Variants in NCAM1 observed in about 807,000 individuals in gnomAD.
NCAM1 encodes the protein neural cell adhesion molecule 1, also known as antigen recognized by monoclonal antibody 5.1H11.
NCAM1 carries 14 observed loss-of-function variants against 109.8 expected under a neutral mutation model. That is an observed-to-expected ratio of 0.13 (90% confidence interval 0.08 to 0.20). The LOEUF (loss-of-function observed/expected upper bound fraction) is 0.20. Among genes scored for constraint, NCAM1 ranks in the 10% least tolerant of loss-of-function variants. NCAM1 has a pLI of 1.00. For missense variants in NCAM1, 774 were observed against 1,109.9 expected, an observed-to-expected ratio of 0.70 and a Z score of 4.30; for synonymous variants, 418 against 442.9, an observed-to-expected ratio of 0.94 and a Z score of 0.70.
At position 113,133,998 on chromosome 11, in the gene NCAM1, A is replaced by C. The variant is rs569032626; in HGVS notation, c.53-68381A>C. The C allele has an allele frequency of 1.1e-4, 17 of 152,164 alleles. No homozygotes were observed. The East Asian group carries it at 2.5e-3, about 22-fold the overall frequency. 9.4% of individuals were successfully genotyped at this position (152,164 alleles called of 1,614,324 possible). On this transcript the variant is annotated intron_variant, in intron 1 of 19. Transcript: ENST00000316851. The stretch of plus-strand genomic sequence containing the variant: ...GCCTATTTTCGGTGGCAAAAAAAAA[A>C]CATATAAAATTGACCATGTTAATCA...
intron 1 of NCAM1, among the ~76,000 whole-genome samples, chr11:113,079,206 T>C (rs1938675017): frequency 6.6e-6 from 1 of 152,240 alleles, no homozygotes. Flanking sequence ...AGTGTTGATG[T>C]GTTAAGCATG....
intron 14 of NCAM1, chr11:113,240,763 C>G: frequency 6.2e-7 from 1 of 1,611,426 alleles, no homozygotes; most frequent in Non-Finnish European, 8.5e-7. Context: ...CTTTTTTCCC[C>G]ACCTTCATTT....
chr11:113,085,042 T>C (rs183684457), intron 1 of NCAM1, among the ~76,000 whole-genome samples: 27 of 152,358 alleles, frequency 1.8e-4, no homozygotes, highest in South Asian at 6.2e-4. Flanking sequence ...GCTATATGAA[T>C]GTAACTGTAT....
intron 1 of NCAM1, among the ~76,000 whole-genome samples, chr11:113,117,924 A>G (rs1269387305): frequency 5.9e-5 from 9 of 152,044 alleles, no homozygotes; most frequent in African/African-American, 1.9e-4. Flanking sequence ...CATCTCAGGC[A>G]GTCATTTGGT....
At chr11:113,205,807 A>G in intron 4 of NCAM1, 141 bp downstream of exon 4, 1 of 1,245,754 alleles carries the variant, frequency 8.0e-7, no homozygotes, top group Non-Finnish European at 1.1e-6. Context: ...TCCTGAATAG[A>G]TGCATATCTG....
At chr11:113,088,516 C>G (rs782532720) in intron 1 of NCAM1, among the ~76,000 whole-genome samples, 2 of 140,608 alleles carry the variant, frequency 1.4e-5, no homozygotes, top group African/African-American at 2.8e-5. Context: ...GCCCCTGCCC[C>G]ACTCAACCAT....
intron 14 of NCAM1, among the ~76,000 whole-genome samples, chr11:113,236,651 T>TAAC (rs1555118358): frequency 2.6e-5 from 4 of 152,198 alleles, no homozygotes; most frequent in African/African-American, 9.6e-5. Flanking sequence ...GGGCCCTGAA[T>TAAC]AACACGCTAT....
intron 1 of NCAM1, among the ~76,000 whole-genome samples, chr11:113,161,030 G>A (rs1591376296): frequency 6.6e-6 from 1 of 152,222 alleles, no homozygotes; most frequent in South Asian, 2.1e-4. Flanking sequence ...TACGTGGGAA[G>A]TTGGGTTCTG....
intron 1 of NCAM1, among the ~76,000 whole-genome samples, chr11:113,014,597 A>ATGTT (rs1298502414): frequency 2.4e-4 from 36 of 152,208 alleles, no homozygotes; most frequent in African/African-American, 8.4e-4. Flanking sequence ...ACAAAACTAT[A>ATGTT]TGTTATAAAC....
rs376770078 is a variant in NCAM1 at position 113,101,637 on chromosome 11, A to T, written c.53-100742A>T. Among the ~76,000 whole-genome samples, 6 of 152,194 alleles carry T rather than the reference A, an allele frequency of 3.9e-5. No individual in the cohort carries two copies. The South Asian group carries it at 6.2e-4, about 16-fold the overall frequency. On this transcript the variant is annotated intron_variant, in intron 1 of 19. Coordinates refer to ENST00000316851, the MANE Select transcript of NCAM1 (RefSeq NM_181351.5). ...TTTATTTTCTACTATCTCTTTATGT[A>T]TCAAAGAAGTAAGATTCTTCAGAAA...
At chr11:112,981,115 A>G (rs1368633633) in intron 1 of NCAM1, among the ~76,000 whole-genome samples, 1 of 151,874 alleles carries the variant, frequency 6.6e-6, no homozygotes, top group Admixed American at 6.6e-5. Flanking sequence ...ACATTACTAC[A>G]GTAGTATCTT....
At chr11:113,099,653 C>T (rs1408504950) in intron 1 of NCAM1, among the ~76,000 whole-genome samples, 1 of 152,094 alleles carries the variant, frequency 6.6e-6, no homozygotes, top group Admixed American at 6.6e-5. Flanking sequence ...GCTGCTTTTG[C>T]GAAGCTTGCT....
rs116355772 is a variant in NCAM1, at chr11:113,046,645, A to G, written c.52+84981A>G. On this transcript the variant is annotated intron_variant, in intron 1 of 19. Transcript: ENST00000316851. The stretch of plus-strand genomic sequence containing the variant: ...TGAAAGATAGATGAATGAATGGATG[A>G]ATAAACACAACGATAGCTAGATGGA... Among the ~76,000 whole-genome samples the G allele has an allele frequency of 1.5e-3, 224 of 152,362 alleles. 1 individual carries two copies. The highest frequency in any genetic ancestry group is 4.8e-3 in the African/African-American group (200 of 41,590).
intron 1 of NCAM1, among the ~76,000 whole-genome samples, chr11:113,018,126 T>G (rs1033097556): frequency 6.6e-6 from 1 of 152,176 alleles, no homozygotes; most frequent in Non-Finnish European, 1.5e-5. Flanking sequence ...TTAGCCAGGC[T>G]TGTGGAATGC....
intron 1 of NCAM1, among the ~76,000 whole-genome samples, chr11:113,064,165 A>G (rs1295654195): frequency 3.3e-5 from 5 of 152,176 alleles, no homozygotes; most frequent in African/African-American, 1.2e-4. Context: ...TGACATTCTG[A>G]TGGAGTGGGG....
chr11:113,204,084 G>A (rs1944159743), intron 2 of NCAM1, among the ~76,000 whole-genome samples: 1 of 152,118 alleles, frequency 6.6e-6, no homozygotes, highest in Non-Finnish European at 1.5e-5. Flanking sequence ...TATTGTAAGA[G>A]GTGTTAAGTA....
chr11:113,106,400 G>A (rs1940165377), intron 1 of NCAM1, among the ~76,000 whole-genome samples: 1 of 152,210 alleles, frequency 6.6e-6, no homozygotes, highest in Admixed American at 6.5e-5. Flanking sequence ...TCTAACAGTT[G>A]ATGACATAAA....
intron 1 of NCAM1, among the ~76,000 whole-genome samples, chr11:112,981,051 G>T (rs1951141460): frequency 6.6e-6 from 1 of 151,786 alleles, no homozygotes; most frequent in African/African-American, 2.4e-5. Flanking sequence ...CTGTTACTCA[G>T]CATAAGAGAA....
chr11:113,079,604 A>T lies in NCAM1; in HGVS notation c.52+117940A>T, dbSNP rs556967275. 3.9e-5 allele frequency among the ~76,000 whole-genome samples: 6 copies of T among 152,324 alleles called. No homozygotes were observed. The East Asian group carries it at 1.2e-3, about 29-fold the overall frequency. ...AGGTAATCTATGATAAGCCATGGAG[A>T]TGTAGAGTTTTTGTGATATACATTT... On this transcript the variant is annotated intron_variant, in intron 1 of 19. Transcript: ENST00000316851.
Sources: allele counts gnomAD v4.1 joint callset (sites outside exome capture counted in the v4.1 genomes callset), GRCh38; gene constraint gnomAD v4.1.1; transcripts MANE v1.5; gene names NCBI Gene and HGNC (gene_info 2026-07-23, HGNC 2026-07-21).